The following CEMIP2 variants were observed in gnomAD, a reference collection of about 807,000 sequenced individuals.
CEMIP2 encodes cell surface hyaluronidase CEMIP2.
CEMIP2 carries 79 observed loss-of-function variants against 146.9 expected under a neutral mutation model. That is an observed-to-expected ratio of 0.54 (90% CI 0.45 to 0.65). The LOEUF is 0.65. Among genes scored for constraint, CEMIP2 ranks in the 30% least tolerant of loss-of-function variants. CEMIP2 has a pLI of 0.00. For synonymous variants in CEMIP2, 601 were observed against 606.3 expected (o/e 0.99, Z 0.13); for missense variants, 1,596 against 1,696.2 (o/e 0.94, Z 1.04).
At chr9:71,723,910 T>C (rs927754386) in intron 11 of CEMIP2, among the ~76,000 whole-genome samples, 1 of 152,160 alleles carries the variant, frequency 6.6e-6, no homozygotes, top group African/African-American at 2.4e-5. Flanking sequence ...TGGACAGACA[T>C]TTCCAAATTT....
intron 5 of CEMIP2, 95 bp downstream of exon 5, chr9:71,739,968 G>A (rs62549276): frequency 0.079 from 91,611 of 1,154,166 alleles, 4,395 homozygotes; most frequent in South Asian, 0.19. Flanking sequence ...CTAACCAGGC[G>A]GACTGTCATT....
chr9:71,709,016 T>A (rs1649676410), intron 17 of CEMIP2, among the ~76,000 whole-genome samples: 2 of 152,108 alleles, frequency 1.3e-5, no homozygotes, highest in South Asian at 4.1e-4. Flanking sequence ...TCAGCTCTCC[T>A]CTCTGGGACT....
At chr9:71,726,663 G>A (rs1256916471) in intron 10 of CEMIP2, among the ~76,000 whole-genome samples, 1 of 152,142 alleles carries the variant, frequency 6.6e-6, no homozygotes, top group Non-Finnish European at 1.5e-5. Flanking sequence ...AGATGAGAGA[G>A]GAATTATGGA....
intron 11 of CEMIP2, 110 bp from the exon 12 acceptor site, chr9:71,722,625 G>A: frequency 2.5e-6 from 2 of 796,910 alleles, no homozygotes; most frequent in Non-Finnish European, 3.9e-6. Context: ...CAAAAAAAGT[G>A]GGGCAGGGAA....
intron 1 of CEMIP2, among the ~76,000 whole-genome samples, chr9:71,764,414 G>A (rs574511941): frequency 2.9e-4 from 43 of 150,736 alleles, no homozygotes; most frequent in African/African-American, 1.0e-3. Flanking sequence ...GAATATATCT[G>A]AGAAAGAAAA....
chr9:71,715,234 CTGCTT>C (rs1221549611), intron 14 of CEMIP2, 145 bp from the exon 15 acceptor site: 13 of 428,870 alleles, frequency 3.0e-5, no homozygotes, highest in Admixed American at 4.9e-5. Flanking sequence ...TCTTCAGAAA[CTGCTT>C]TTTTTTTTTT....
Position 71,690,094 on chromosome 9 carries a change from T to C in CEMIP2, c.3849A>G (p.Pro1283=), listed in dbSNP as rs1327148708. The change falls in exon 22 of 24, where the codon CCA becomes CCG. Residue 1283 remains proline (P), a splice_region_variant and synonymous_variant. Coordinates refer to ENST00000377044, the MANE Select transcript of CEMIP2 (RefSeq NM_013390.3). ...IEEYLKTGIP[P]RSIVLLSTRG... is the part of the protein sequence containing the mutation. ...GTTACAGCACAAGCTTGACCTACCTTGGAGGGATGCCTGTTTTTAAATACT... is the reference window on the plus strand; with the variant it reads ...GTTACAGCACAAGCTTGACCTACCTCGGAGGGATGCCTGTTTTTAAATACT... The C allele has an allele frequency of 6.2e-7, 1 of 1,613,968 alleles. No homozygotes were observed. The highest frequency in any genetic ancestry group is 1.3e-5 in the African/African-American group (1 of 74,928).
chr9:71,722,654 T>TAA (rs11385294), intron 11 of CEMIP2, 139 bp from the exon 12 acceptor site: 6,171 of 448,522 alleles, frequency 0.014, 109 homozygotes, highest in African/African-American at 0.069. Flanking sequence ...AAAGGTACTG[T>TAA]AAAAAAAAAA....
chr9:71,728,961 G>T (rs149018024), intron 10 of CEMIP2, among the ~76,000 whole-genome samples: 3 of 151,840 alleles, frequency 2.0e-5, no homozygotes, highest in East Asian at 2.0e-4. Flanking sequence ...CTCCCAAGTC[G>T]CTGGGACAAT....
chr9:71,735,974 G>T (rs564750305), intron 5 of CEMIP2, among the ~76,000 whole-genome samples: 14 of 151,650 alleles, frequency 9.2e-5, no homozygotes, highest in East Asian at 3.9e-4. Context: ...CACGCTTGTG[G>T]TCCCAGCTAC....
At chr9:71,768,645 C>G (rs1302418832), upstream of CEMIP2, 1 of 152,218 alleles carries the variant, frequency 6.6e-6, no homozygotes, top group Admixed American at 6.5e-5. Context: ...TCGGCTCGCT[C>G]TCTCCCGGAG....
chr9:71,710,152 A>G (rs1377753864), intron 16 of CEMIP2, among the ~76,000 whole-genome samples: 1 of 152,206 alleles, frequency 6.6e-6, no homozygotes, highest in African/African-American at 2.4e-5. Flanking sequence ...CAGCTCAACA[A>G]TTTTCACATC....
At chr9:71,744,698 G>A (rs548048700) in intron 4 of CEMIP2, among the ~76,000 whole-genome samples, 137 of 152,126 alleles carry the variant, frequency 9.0e-4, no homozygotes, top group Non-Finnish European at 1.3e-3. Context: ...AGAAGGTAAC[G>A]AAAGGAAGAA....
chr9:71,725,782 C>T (rs1353643787), intron 10 of CEMIP2, 73 bp from the exon 11 acceptor site: 27 of 1,475,612 alleles, frequency 1.8e-5, no homozygotes, highest in East Asian at 2.3e-5. Context: ...CATAAACTAA[C>T]TTCTTCATCA....
chr9:71,685,714 G>C, intron 23 of CEMIP2, 29 bp downstream of exon 23: 1 of 1,575,650 alleles, frequency 6.3e-7, no homozygotes. Flanking sequence ...GGCCCTGTAA[G>C]AACTTCATGA....
At chr9:71,753,945 A>G (rs968555312) in intron 1 of CEMIP2, among the ~76,000 whole-genome samples, 1 of 152,192 alleles carries the variant, frequency 6.6e-6, no homozygotes, top group African/African-American at 2.4e-5. Context: ...AAGAAATGCA[A>G]TTCCTAAATT....
upstream of CEMIP2, chr9:71,768,919 G>C (rs1285564783): frequency 2.0e-5 from 3 of 151,696 alleles, no homozygotes; most frequent in African/African-American, 7.3e-5. Flanking sequence ...CGGGCGGGCG[G>C]TGGAGAGCGA....
intron 23 of CEMIP2, 134 bp from the exon 24 acceptor site, chr9:71,685,527 T>C: frequency 8.8e-7 from 1 of 1,135,590 alleles, no homozygotes; most frequent in East Asian, 2.6e-5. Flanking sequence ...CTTCCTTACA[T>C]CAGCAAATGA....
At chr9:71,734,253 T>C (rs189016579) in intron 6 of CEMIP2, among the ~76,000 whole-genome samples, 16 of 152,020 alleles carry the variant, frequency 1.1e-4, no homozygotes, top group Non-Finnish European at 2.2e-4. Flanking sequence ...TCGAAAACCA[T>C]AGGATTTCTT....
Sources: allele counts gnomAD v4.1 joint callset (sites outside exome capture counted in the v4.1 genomes callset), GRCh38; gene constraint gnomAD v4.1.1; transcripts MANE v1.5; gene names NCBI Gene and HGNC (gene_info 2026-07-23, HGNC 2026-07-21).